BNC2: variants seen among roughly 807,000 people sequenced by gnomAD.
BNC2 encodes the protein basonuclin zinc finger protein 2.
BNC2 carries 20 observed loss-of-function variants against 76.3 expected under a neutral mutation model. The ratio of observed to expected loss-of-function variants is 0.26; its 90% CI spans 0.18 to 0.38. The LOEUF (loss-of-function observed/expected upper bound fraction) is 0.38, where lower values mean the gene tolerates loss of function less well. Ranked by LOEUF, BNC2 falls within the 10% of genes least tolerant of loss-of-function variation. The pLI, the probability that BNC2 is intolerant of heterozygous loss-of-function variation, is 1.00. For synonymous variants in BNC2, 582 were observed against 514.8 expected, an observed-to-expected ratio of 1.13 and a Z score of -1.77; for missense variants, 1,382 against 1,399.8, an observed-to-expected ratio of 0.99 and a Z score of 0.20.
intron 4 of BNC2, among the ~76,000 whole-genome samples, chr9:16,563,746 G>A (rs993381817): frequency 6.6e-6 from 1 of 152,142 alleles, no homozygotes; most frequent in Non-Finnish European, 1.5e-5. Context: ...AACTGATAGT[G>A]TACCTTTTCT....
chr9:16,488,827 C>A (rs377426563), intron 5 of BNC2, among the ~76,000 whole-genome samples: 10 of 151,594 alleles, frequency 6.6e-5, no homozygotes, highest in African/African-American at 2.4e-4. Flanking sequence ...ATAAAGGCTT[C>A]TTTTAGCAAA....
At chr9:16,609,241 A>G (rs576540748) in intron 3 of BNC2, among the ~76,000 whole-genome samples, 2 of 152,230 alleles carry the variant, frequency 1.3e-5, no homozygotes, top group African/African-American at 4.8e-5. Context: ...GTGAATGCCT[A>G]CTCTGTGCTG....
intron 1 of BNC2, among the ~76,000 whole-genome samples, chr9:16,786,622 G>A (rs181415288): frequency 6.6e-6 from 1 of 152,260 alleles, no homozygotes; most frequent in East Asian, 1.9e-4. Flanking sequence ...CCATGAGAAT[G>A]CATGCATGGG....
chr9:16,498,099 A>G (rs1822433257), intron 5 of BNC2, among the ~76,000 whole-genome samples: 1 of 147,172 alleles, frequency 6.8e-6, no homozygotes, highest in South Asian at 2.1e-4. Flanking sequence ...TCCATCATAT[A>G]TATATTCTAT....
intron 1 of BNC2, among the ~76,000 whole-genome samples, chr9:16,776,855 G>A (rs1007079823): frequency 6.6e-6 from 1 of 152,110 alleles, no homozygotes; most frequent in African/African-American, 2.4e-5. Context: ...GCCAGGCGTG[G>A]TGGCTCACAT....
intron 1 of BNC2, among the ~76,000 whole-genome samples, chr9:16,795,792 A>C (rs16935073): frequency 0.097 from 14,758 of 152,260 alleles, 1,241 homozygotes; most frequent in East Asian, 0.33. Context: ...AAACCACTAA[A>C]AATGACAGTA....
chr9:16,612,312 A>G (rs941337371), intron 3 of BNC2, among the ~76,000 whole-genome samples: 1 of 152,158 alleles, frequency 6.6e-6, no homozygotes, highest in African/African-American at 2.4e-5. Context: ...GTTTCCTGAA[A>G]TTAAGTATCT....
At chr9:16,862,026 A>G (rs117814782) in intron 1 of BNC2, among the ~76,000 whole-genome samples, 3,806 of 151,982 alleles carry the variant, frequency 0.025, 65 homozygotes, top group Non-Finnish European at 0.037. Context: ...ACAAGTGTTG[A>G]GGAGGGTGTA....
intron 1 of BNC2, among the ~76,000 whole-genome samples, chr9:16,866,273 A>G (rs1490009169): frequency 1.3e-5 from 2 of 152,204 alleles, no homozygotes; most frequent in African/African-American, 4.8e-5. Flanking sequence ...TCAGGTTTAT[A>G]AATAGTTTAA....
chr9:16,820,399 C>A (rs964687226), intron 1 of BNC2, among the ~76,000 whole-genome samples: 1 of 151,890 alleles, frequency 6.6e-6, no homozygotes, highest in African/African-American at 2.4e-5. Flanking sequence ...GCGCTCCAGC[C>A]TGGGCAACAA....
At chr9:16,443,899 T>C (rs2130951683) in intron 5 of BNC2, among the ~76,000 whole-genome samples, 1 of 152,330 alleles carries the variant, frequency 6.6e-6, no homozygotes, top group East Asian at 1.9e-4. Flanking sequence ...TACACCATGA[T>C]TGTGCTGAGG....
intron 1 of BNC2, among the ~76,000 whole-genome samples, chr9:16,744,599 C>G (rs2135202022): frequency 6.6e-6 from 1 of 152,218 alleles, no homozygotes; most frequent in East Asian, 1.9e-4. Context: ...TTCTTCATAC[C>G]CTTGCCCAGA....
chr9:16,584,631 G>T (rs954539181), intron 3 of BNC2, among the ~76,000 whole-genome samples: 4 of 152,040 alleles, frequency 2.6e-5, no homozygotes, highest in Non-Finnish European at 5.9e-5. Context: ...TTGTAGCTAG[G>T]TTGTAAACTT....
intron 5 of BNC2, among the ~76,000 whole-genome samples, chr9:16,547,757 A>G (rs2149158): frequency 0.53 from 80,579 of 151,930 alleles, 21,795 homozygotes; most frequent in African/African-American, 0.63. Context: ...TGGGAGAAGA[A>G]CTGAGTGTGT....
chr9:16,848,079 T>C (rs1425828124), intron 1 of BNC2, among the ~76,000 whole-genome samples: 1 of 152,210 alleles, frequency 6.6e-6, no homozygotes, highest in Non-Finnish European at 1.5e-5. Context: ...CTTAAGATAT[T>C]CTAATTAGGA....
At chr9:16,624,354 A>G (rs1820937012) in intron 3 of BNC2, among the ~76,000 whole-genome samples, 1 of 152,212 alleles carries the variant, frequency 6.6e-6, no homozygotes, top group Non-Finnish European at 1.5e-5. Flanking sequence ...AATGTTCACT[A>G]TGGCAACAAC....
intron 3 of BNC2, among the ~76,000 whole-genome samples, chr9:16,660,081 A>G (rs1184250389): frequency 6.6e-6 from 1 of 152,216 alleles, no homozygotes; most frequent in Non-Finnish European, 1.5e-5. Context: ...GGACCCCATA[A>G]TTAGTTGTTC....
intron 1 of BNC2, among the ~76,000 whole-genome samples, chr9:16,788,354 C>T (rs888805474): frequency 1.1e-4 from 17 of 151,612 alleles, no homozygotes; most frequent in Admixed American, 3.9e-4. Context: ...GAGATCGAGA[C>T]CATCCTGGCT....
intron 6 of BNC2, among the ~76,000 whole-genome samples, chr9:16,423,662 T>C (rs1441329069): frequency 6.6e-6 from 1 of 152,172 alleles, no homozygotes; most frequent in East Asian, 1.9e-4. Context: ...AAAGCAATGA[T>C]CCCAAGGTAG....
Sources: gnomAD v4.1 joint callset for allele counts (sites outside exome capture counted in the v4.1 genomes callset) on GRCh38, gnomAD v4.1.1 for gene constraint, MANE v1.5 for transcripts, NCBI Gene and HGNC (gene_info 2026-07-23, HGNC 2026-07-21) for gene names.